GTF2F1: variants seen among roughly 807,000 people sequenced by gnomAD.
The protein encoded by GTF2F1 is general transcription factor IIF subunit 1, also known as general transcription factor IIF 74 kDa subunit.
Under a neutral mutation model 63.5 loss-of-function variants are expected in GTF2F1, and 39 were observed. The ratio of observed to expected loss-of-function variants is 0.61; its 90% CI spans 0.48 to 0.80. The LOEUF (loss-of-function observed/expected upper bound fraction) is 0.80, where lower values mean the gene tolerates loss of function less well. Among genes scored for constraint, GTF2F1 ranks in the 30% least tolerant of loss-of-function variants. The pLI is 0.00. For synonymous variants in GTF2F1, 287 were observed against 285.3 expected, an observed-to-expected ratio of 1.01 and a Z score of -0.06; for missense variants, 657 against 718.3, an observed-to-expected ratio of 0.91 and a Z score of 0.97.
rs762618865 is a variant in GTF2F1 at position 6,381,577 on chromosome 19, G to C, written c.875C>G (p.Pro292Arg). 3 of 1,613,466 alleles carry C rather than the reference G, an allele frequency of 1.9e-6. No homozygotes were observed. In the African/African-American group the frequency reaches 4.0e-5, roughly 22 times the overall value. Residue 292 changes from proline (P) to arginine (R), a missense_variant, in exon 8 of 13, where the codon CCG becomes CGG. Coordinates refer to ENST00000394456, the MANE Select transcript of GTF2F1 (RefSeq NM_002096.3). The surrounding 1 kb of genome is among the most constrained non-coding windows in gnomAD (Gnocchi z 4.1). ...ACCCTTGGGCCCCTCCTCCTGCTGC[G>C]GCGCCTTGGCCTTGCTCTCAGGCTC... The part of the protein sequence containing the change: ...QEEPESKAKA[P>R]QQEEGPKGVD...
At chr19:6,382,031 A>G (rs1331422360) in intron 6 of GTF2F1, among the ~76,000 whole-genome samples, 181 bp from the exon 7 acceptor site, 1 of 151,784 alleles carries the variant, frequency 6.6e-6, no homozygotes, top group Non-Finnish European at 1.5e-5. Flanking sequence ...GGCAGACCCC[A>G]CACCCCCACC....
intron 3 of GTF2F1, 150 bp downstream of exon 3, chr19:6,391,752 C>A (rs1401565536): frequency 6.9e-6 from 4 of 582,878 alleles, no homozygotes; most frequent in Middle Eastern, 2.7e-4. Flanking sequence ...TGCACCCAAC[C>A]CTTTGTCATC....
At position 6,380,954 on chromosome 19, in the gene GTF2F1, C is replaced by A. The variant is rs2091945316; in HGVS notation, c.1181G>T (p.Gly394Val). The part of the protein sequence containing the change: ...NSRPGTPSAE[G>V]GSTSSTLRAA... Reference sequence around the variant, plus strand: ...CCGCAGGGTGGAGGAGGTGCTGCCACCCTCTGCGCTGGGCGTGCCTGGGCG... The same window carrying A: ...CCGCAGGGTGGAGGAGGTGCTGCCAACCTCTGCGCTGGGCGTGCCTGGGCG... Residue 394 changes from glycine to valine, a missense_variant, in exon 11 of 13, where the codon GGT becomes GTT. Gly to Val is a moderately radical substitution (Grantham distance 109). Transcript: ENST00000394456. This position sits in a 1 kb window ranked among gnomAD's most constrained non-coding sequence, Gnocchi z 5.3. 6.3e-7 allele frequency: 1 copy of A among 1,594,354 alleles called. No individual in the cohort carries two copies. Among genetic ancestry groups the A allele is most frequent in the Non-Finnish European group, 8.5e-7 (1 of 1,170,656 alleles).
rs1483333594 is a variant in GTF2F1, at chr19:6,380,730, G to A, written c.1232-40C>T. The A allele has an allele frequency of 9.4e-6, 15 of 1,595,128 alleles. No homozygotes were observed. Among genetic ancestry groups the A allele is most frequent in the Non-Finnish European group, 1.2e-5 (14 of 1,171,964 alleles). On this transcript the variant is annotated intron_variant, in intron 11 of 12. Coordinates refer to ENST00000394456, the MANE Select transcript of GTF2F1 (RefSeq NM_002096.3). This position sits in a 1 kb window ranked among gnomAD's most constrained non-coding sequence, Gnocchi z 5.3. ...TCAGGGCTGAGTCTTGCAGGCAGGA[G>A]GCAGAACCCCTGGGCAGGACCCCAG...
chr19:6,392,458 T>C, intron 2 of GTF2F1: 1 of 508,872 alleles, frequency 2.0e-6, no homozygotes, highest in Non-Finnish European at 3.8e-6. Flanking sequence ...TCATCAAGAA[T>C]TCACCCAGCA....
At position 6,380,846 on chromosome 19, in the gene GTF2F1, CAG is replaced by C; in HGVS notation, c.1231+56_1231+57del. On this transcript the variant is annotated intron_variant, in intron 11 of 12. Coordinates refer to ENST00000394456, the MANE Select transcript of GTF2F1 (RefSeq NM_002096.3). This position sits in a 1 kb window ranked among gnomAD's most constrained non-coding sequence, Gnocchi z 5.3. ...ATCCCCTCTCTGTCCTGAGCCCCAA[CAG>C]AGGTCAGGAGGCTGTGGCTGTGGCT... 1 of 1,514,630 alleles carries C rather than the reference CAG, an allele frequency of 6.6e-7. No homozygotes were observed. The highest frequency in any genetic ancestry group is 2.4e-5 in the East Asian group (1 of 42,224). The allele number at this position is 1,514,630 out of a possible 1,614,324, so 93.8% of individuals were successfully genotyped here. A position where few individuals can be genotyped will look rare whatever the true frequency, so the allele number is the denominator to read the frequency against.
Position 6,380,506 on chromosome 19 carries a change from A to C in GTF2F1, c.1350-21T>G. The C allele has an allele frequency of 2.5e-6, 4 of 1,613,104 alleles. No homozygotes were observed. Among genetic ancestry groups the C allele is most frequent in the Non-Finnish European group, 3.4e-6 (4 of 1,179,222 alleles). On this transcript the variant is annotated intron_variant, in intron 12 of 12. Transcript: ENST00000394456. The surrounding 1 kb of genome is among the most constrained non-coding windows in gnomAD (Gnocchi z 5.3). ...CGTCGCTGAGGATGGGAGGACGGGG[A>C]AGGTGGCATCAGTGAGATTGTCCCC...
chr19:6,387,660 A>G, intron 4 of GTF2F1, 101 bp from the exon 5 acceptor site: 3 of 870,688 alleles, frequency 3.4e-6, no homozygotes, highest in Non-Finnish European at 5.3e-6. Context: ...CCATAGGAGG[A>G]AGACCAAGAA....
chr19:6,392,407 T>G (rs936385485), intron 2 of GTF2F1: 4 of 482,362 alleles, frequency 8.3e-6, no homozygotes, highest in African/African-American at 7.8e-5. Flanking sequence ...GCAGGGAGTA[T>G]TTCCTGGAGG....
intron 2 of GTF2F1, chr19:6,392,273 G>C (rs1016308579): frequency 2.0e-6 from 1 of 502,310 alleles, no homozygotes; most frequent in Middle Eastern, 3.0e-4. Context: ...CAGTCTGCCA[G>C]AGAAGCTAGA....
In GTF2F1 at chr19:6,380,640, C is replaced by T; in HGVS notation, c.1282G>A (p.Gly428Arg). ...GACTTCCCAGACAGGCTCTGGGGTC[C>T]CGTGTCCAGCCGCAACCGCTTGGCT... ...PAAKRLRLDT[G>R]PQSLSGKSTP... The change falls in exon 12 of 13, where the codon GGA (glycine) becomes AGA (arginine). Residue 428 changes from glycine to arginine, a missense_variant. Coordinates refer to ENST00000394456, the MANE Select transcript of GTF2F1 (RefSeq NM_002096.3). This position sits in a 1 kb window ranked among gnomAD's most constrained non-coding sequence, Gnocchi z 5.3. 6.2e-7 allele frequency: 1 copy of T among 1,613,750 alleles called. No individual in the cohort carries two copies. Among genetic ancestry groups the T allele is most frequent in the African/African-American group, 1.3e-5 (1 of 75,032 alleles).
At position 6,379,675 on chromosome 19, in the gene GTF2F1, A is replaced by G. The variant is rs774469800; in HGVS notation, c.*606T>C. ...CAGCAACCTCCACCTCCCAGGTTCA[A>G]GTGAATCTCGTGCCTCAGCCTACGG... On this transcript the variant is annotated 3_prime_UTR_variant, in exon 13 of 13. Coordinates refer to ENST00000394456, the MANE Select transcript of GTF2F1 (RefSeq NM_002096.3). 2 of 153,942 alleles carry G rather than the reference A, an allele frequency of 1.3e-5. No homozygotes were observed. Among genetic ancestry groups the G allele is most frequent in the Non-Finnish European group, 2.9e-5 (2 of 69,606 alleles). 9.5% of individuals were successfully genotyped at this position (153,942 alleles called of 1,614,324 possible).
rs1196575203 is a variant in GTF2F1, at chr19:6,387,384, C to T, written c.497+5G>A. ...CTGTCCCCAGCCACCACCCAGCCCA[C>T]TCACCTCTCCCACTCCTCCTCGGCC... On this transcript the variant is annotated splice_donor_5th_base_variant and intron_variant, in intron 5 of 12. Transcript: ENST00000394456. 1.2e-6 allele frequency: 2 copies of T among 1,613,692 alleles called. No homozygotes were observed. Among genetic ancestry groups the T allele is most frequent in the Non-Finnish European group, 1.7e-6 (2 of 1,179,666 alleles).
rs765726350 is a variant in GTF2F1 at position 6,383,513 on chromosome 19, G to C, written c.498-18C>G. 34 of 1,608,470 alleles carry C rather than the reference G, an allele frequency of 2.1e-5. No homozygotes were observed. Among genetic ancestry groups the C allele is most frequent in the East Asian group, 1.8e-4 (8 of 44,824 alleles). On this transcript the variant is annotated intron_variant, in intron 5 of 12. Coordinates refer to ENST00000394456, the MANE Select transcript of GTF2F1 (RefSeq NM_002096.3). This position sits in a 1 kb window ranked among gnomAD's most constrained non-coding sequence, Gnocchi z 4.5. Reference sequence around the variant, plus strand: ...TGTTCCTCCTGCGGGCCAGGCACAGGGGGGCTCATGCCGGGCCTGGCACCA... The same window carrying C: ...TGTTCCTCCTGCGGGCCAGGCACAGCGGGGCTCATGCCGGGCCTGGCACCA...
intron 3 of GTF2F1, among the ~76,000 whole-genome samples, chr19:6,391,465 T>G (rs1450909005): frequency 9.7e-5 from 14 of 144,912 alleles, no homozygotes; most frequent in African/African-American, 3.4e-4. Flanking sequence ...TTTTTTTTTT[T>G]TTTTTGAGGC....
chr19:6,381,974 C>T lies in GTF2F1; in HGVS notation c.683-124G>A, dbSNP rs1030931803. On this transcript the variant is annotated intron_variant, in intron 6 of 12. Coordinates refer to ENST00000394456, the MANE Select transcript of GTF2F1 (RefSeq NM_002096.3). This position sits in a 1 kb window ranked among gnomAD's most constrained non-coding sequence, Gnocchi z 4.1. ...GGGGCCTCACTGACTGGGGAGACTACACCTCCAGGGCCAGCCCAGGAGCTC... is the reference window on the plus strand; with the variant it reads ...GGGGCCTCACTGACTGGGGAGACTATACCTCCAGGGCCAGCCCAGGAGCTC... The T allele has an allele frequency of 1.3e-6, 1 of 785,324 alleles. No homozygotes were observed. Among genetic ancestry groups the T allele is most frequent in the Non-Finnish European group, 2.0e-6 (1 of 494,130 alleles). The allele number at this position is 785,324 out of a possible 1,614,324, so 48.6% of individuals were successfully genotyped here.
intron 4 of GTF2F1, among the ~76,000 whole-genome samples, chr19:6,389,090 G>T (rs554058406): frequency 1.3e-5 from 2 of 152,006 alleles, no homozygotes; most frequent in Non-Finnish European, 2.9e-5. Context: ...AAAATTAGCT[G>T]GGCGTGGTGG....
In GTF2F1 at chr19:6,381,008, G is replaced by A. The variant is rs763184642; in HGVS notation, c.1127C>T (p.Pro376Leu). Residue 376 changes from proline (P) to leucine (L), a missense_variant, in exon 11 of 13, where the codon CCG becomes CTG. By Grantham distance (98) the Pro-to-Leu change is moderately conservative. Around this residue, in one of 2 missense-constraint regions of GTF2F1, gnomAD observed 602 missense variants for 625.6 expected, o/e 0.96. Transcript: ENST00000394456. This position sits in a 1 kb window ranked among gnomAD's most constrained non-coding sequence, Gnocchi z 4.1. Reference protein sequence around the residue: ...KKTPPKRERKPSGGSSRGNSR... With the variant: ...KKTPPKRERKLSGGSSRGNSR... ...GTTGCCCCTTGAGCTCCCTCCCGAC[G>A]GCTTCCGCTCTCTCTTGGGTGGCGT... 1.9e-5 allele frequency: 30 copies of A among 1,610,862 alleles called. No homozygotes were observed. In the Middle Eastern group the frequency reaches 6.7e-4, roughly 36 times the overall value.
At position 6,389,412 on chromosome 19, in the gene GTF2F1, T is replaced by C. The variant is rs574004386; in HGVS notation, c.326+32A>G. The stretch of plus-strand genomic sequence containing the variant: ...AGGCCTGGGGATGTGGACTGGTCAC[T>C]AAGCCGGCACCGCCACCGCCCCACC... On this transcript the variant is annotated intron_variant, in intron 4 of 12. Coordinates refer to ENST00000394456, the MANE Select transcript of GTF2F1 (RefSeq NM_002096.3). 39 of 1,604,490 alleles carry C rather than the reference T, an allele frequency of 2.4e-5. No individual in the cohort carries two copies. In the Middle Eastern group the frequency reaches 8.5e-4, roughly 35 times the overall value.
Sources: allele counts gnomAD v4.1 joint callset (sites outside exome capture counted in the v4.1 genomes callset), GRCh38; gene constraint gnomAD v4.1.1; regional missense constraint gnomAD v4.1.1; non-coding constraint Gnocchi (gnomAD v3.1); transcripts MANE v1.5; gene names NCBI Gene and HGNC (gene_info 2026-07-23, HGNC 2026-07-21).